The following BMPR1B variants were observed in gnomAD, a reference collection of about 807,000 sequenced individuals.
BMPR1B encodes the protein bone morphogenetic protein receptor type-1B.
Under a neutral mutation model 59.1 loss-of-function variants are expected in BMPR1B, and 12 were observed. That is an observed-to-expected ratio of 0.20 (90% confidence interval 0.13 to 0.33). The LOEUF (loss-of-function observed/expected upper bound fraction) is 0.33. Among genes scored for constraint, BMPR1B ranks in the 10% least tolerant of loss-of-function variants. The pLI is 1.00. For missense variants in BMPR1B, 550 were observed against 610.9 expected, an observed-to-expected ratio of 0.90 and a Z score of 1.05; for synonymous variants, 237 against 207.3, an observed-to-expected ratio of 1.14 and a Z score of -1.23.
chr4:95,016,327 A>T (rs183855134), intron 3 of BMPR1B, among the ~76,000 whole-genome samples: 1 of 152,182 alleles, frequency 6.6e-6, no homozygotes, highest in Non-Finnish European at 1.5e-5. Flanking sequence ...CAGTGGGCTG[A>T]TATTTTTCAA....
At chr4:95,004,389 T>C (rs534219847) in intron 3 of BMPR1B, among the ~76,000 whole-genome samples, 1 of 152,324 alleles carries the variant, frequency 6.6e-6, no homozygotes, top group Admixed American at 6.5e-5. Context: ...ACATTTAAAA[T>C]TAAATTACAC....
intron 10 of BMPR1B, among the ~76,000 whole-genome samples, chr4:95,134,131 T>C (rs1305749358): frequency 2.0e-5 from 3 of 152,222 alleles, no homozygotes; most frequent in African/African-American, 7.2e-5. Context: ...TGTTTGGTTT[T>C]CTGTCCTTGC....
intron 3 of BMPR1B, among the ~76,000 whole-genome samples, chr4:95,087,637 T>C (rs1205232698): frequency 1.3e-5 from 2 of 152,008 alleles, no homozygotes; most frequent in Non-Finnish European, 2.9e-5. Flanking sequence ...GAAGCTGAGG[T>C]GGGAGGATCA....
chr4:95,120,788 T>TC (rs1732462957), intron 6 of BMPR1B, among the ~76,000 whole-genome samples: 1 of 121,064 alleles, frequency 8.3e-6, no homozygotes, highest in Admixed American at 9.0e-5. Flanking sequence ...TTCCCTTCCC[T>TC]CCCCCTGCTC....
Position 94,987,694 on chromosome 4 carries a change from C to A in BMPR1B, c.-112-8346C>A, listed in dbSNP as rs372195590. On this transcript the variant is annotated intron_variant, in intron 2 of 12. Transcript: ENST00000515059. ...GTTTCAGGACCACTTTTTTGACCCC[C>A]CCTCGAAAGATACTTCTTATTCTTA... Among the ~76,000 whole-genome samples the A allele has an allele frequency of 2.5e-3, 382 of 152,142 alleles. 1 individual carries two copies. Among genetic ancestry groups the A allele is most frequent in the African/African-American group, 8.9e-3 (370 of 41,504 alleles).
At chr4:94,892,812 A>C (rs1249605295) in intron 2 of BMPR1B, among the ~76,000 whole-genome samples, 1 of 152,072 alleles carries the variant, frequency 6.6e-6, no homozygotes, top group Non-Finnish European at 1.5e-5. Context: ...TTTATTAGGT[A>C]AGCTTCCAAC....
chr4:95,014,493 A>C (rs537343265), intron 3 of BMPR1B, among the ~76,000 whole-genome samples: 11 of 152,294 alleles, frequency 7.2e-5, no homozygotes, highest in Admixed American at 7.2e-4. Context: ...ACTAATATTA[A>C]ATTAATTAAT....
intron 3 of BMPR1B, among the ~76,000 whole-genome samples, chr4:95,026,682 T>TTCCCC (rs58113438): frequency 1.6e-4 from 22 of 141,236 alleles, no homozygotes; most frequent in Admixed American, 5.6e-4. Flanking sequence ...AGGAAGATTT[T>TTCCCC]TCCCCTCCCC....
chr4:94,884,252 G>A (rs1373477514), intron 2 of BMPR1B, among the ~76,000 whole-genome samples: 4 of 152,170 alleles, frequency 2.6e-5, no homozygotes, highest in South Asian at 2.1e-4. Context: ...TCGGCTGGGC[G>A]TGGTGGCTCA....
chr4:95,049,617 A>G (rs915228312), intron 3 of BMPR1B, among the ~76,000 whole-genome samples: 63 of 151,694 alleles, frequency 4.2e-4, no homozygotes, highest in Non-Finnish European at 6.2e-4. Flanking sequence ...CAAATTGAAA[A>G]TTCATTTCTA....
chr4:94,780,906 T>C (rs1043130999), intron 1 of BMPR1B, among the ~76,000 whole-genome samples: 4 of 152,048 alleles, frequency 2.6e-5, no homozygotes, highest in African/African-American at 9.7e-5. Context: ...GCCAGGATGG[T>C]CTCGATCTCC....
At chr4:95,082,502 C>T (rs1729236593) in intron 3 of BMPR1B, among the ~76,000 whole-genome samples, 1 of 151,982 alleles carries the variant, frequency 6.6e-6, no homozygotes, top group African/African-American at 2.4e-5. Flanking sequence ...TTGAGGACTA[C>T]ATTAAATAAG....
At chr4:94,943,077 C>A (rs189638178) in intron 2 of BMPR1B, among the ~76,000 whole-genome samples, 1 of 152,038 alleles carries the variant, frequency 6.6e-6, no homozygotes, top group East Asian at 1.9e-4. Context: ...CCAGTATATG[C>A]AGAGTAGTAT....
At chr4:95,149,214 C>T (rs1339680409) in intron 11 of BMPR1B, among the ~76,000 whole-genome samples, 1 of 152,148 alleles carries the variant, frequency 6.6e-6, no homozygotes, top group Non-Finnish European at 1.5e-5. Context: ...TTGGGTTCTT[C>T]CTCCAGCAGT....
chr4:95,103,381 G>T, intron 3 of BMPR1B: 1 of 909,144 alleles, frequency 1.1e-6, no homozygotes, highest in Non-Finnish European at 1.3e-6. Flanking sequence ...TAATATTTTT[G>T]TTGATCTTAG....
At chr4:95,037,914 G>T (rs1320708758) in intron 3 of BMPR1B, among the ~76,000 whole-genome samples, 1 of 152,136 alleles carries the variant, frequency 6.6e-6, no homozygotes, top group Non-Finnish European at 1.5e-5. Context: ...TGCCCTGAGG[G>T]TTTTGTACTC....
chr4:94,770,142 TC>T (rs1220986525), intron 1 of BMPR1B, among the ~76,000 whole-genome samples: 1 of 151,320 alleles, frequency 6.6e-6, no homozygotes, highest in African/African-American at 2.4e-5. Flanking sequence ...GTTCACCTGA[TC>T]ATTTGTTTTT....
chr4:95,128,587 C>T (rs1048561333), intron 8 of BMPR1B, among the ~76,000 whole-genome samples: 4 of 152,042 alleles, frequency 2.6e-5, no homozygotes. Context: ...GTCTGTACTC[C>T]ACTCTTTATA....
chr4:94,986,361 A>C (rs570733485), intron 2 of BMPR1B, among the ~76,000 whole-genome samples: 21 of 152,342 alleles, frequency 1.4e-4, no homozygotes, highest in African/African-American at 5.1e-4. Flanking sequence ...AACAAAACTC[A>C]GAGTACATTC....
Sources: allele counts gnomAD v4.1 joint callset (sites outside exome capture counted in the v4.1 genomes callset), GRCh38; gene constraint gnomAD v4.1.1; transcripts MANE v1.5; gene names NCBI Gene and HGNC (gene_info 2026-07-23, HGNC 2026-07-21).